Variants in TGFBR2 observed in about 807,000 individuals in gnomAD.
TGFBR2 encodes the protein transforming growth factor beta receptor 2.
A neutral mutation model predicts 49.0 loss-of-function variants in TGFBR2; 18 were observed. The observed-to-expected ratio is 0.37, with a 90% confidence interval of 0.25 to 0.54. The LOEUF (loss-of-function observed/expected upper bound fraction) is 0.54. TGFBR2 is among the 20% of genes least tolerant of loss of function. The probability of loss-of-function intolerance (pLI) is 0.85; values close to 1 mark genes in which losing one functional copy is unlikely to be tolerated. For missense variants in TGFBR2, 525 were observed against 722.6 expected (o/e 0.73, Z 3.13); for synonymous variants, 282 against 275.9 (o/e 1.02, Z -0.22).
At chr3:30,654,058 C>G (rs912139390) in intron 3 of TGFBR2, among the ~76,000 whole-genome samples, 1 of 152,140 alleles carries the variant, frequency 6.6e-6, no homozygotes, top group South Asian at 2.1e-4. Context: ...TTAATTCTTT[C>G]CTTTTTTCCT....
chr3:30,674,699 G>A (rs555463384), intron 5 of TGFBR2, among the ~76,000 whole-genome samples: 8 of 150,588 alleles, frequency 5.3e-5, no homozygotes, highest in African/African-American at 2.0e-4. Context: ...TGTTTTATTG[G>A]GCAAAAAAAA....
At chr3:30,641,113 A>G (rs907810676) in intron 1 of TGFBR2, among the ~76,000 whole-genome samples, 2 of 152,084 alleles carry the variant, frequency 1.3e-5, no homozygotes, top group African/African-American at 4.8e-5. Flanking sequence ...GCATGTTATT[A>G]GTGACTCTTG....
intron 2 of TGFBR2, among the ~76,000 whole-genome samples, chr3:30,649,753 T>C (rs1698845034): frequency 6.6e-6 from 1 of 152,128 alleles, no homozygotes; most frequent in African/African-American, 2.4e-5. Context: ...CGCAATGCTC[T>C]GGGGCCCAGC....
chr3:30,620,722 G>C (rs185828805), intron 1 of TGFBR2, among the ~76,000 whole-genome samples: 1 of 151,982 alleles, frequency 6.6e-6, no homozygotes, highest in African/African-American at 2.4e-5. Flanking sequence ...ACCATCTCAC[G>C]CAGGACAATT....
chr3:30,671,959 A>G lies in TGFBR2; in HGVS notation c.776A>G (p.Tyr259Cys), dbSNP rs767919854. The change falls in exon 4 of 7, where the codon TAT (tyrosine) becomes TGT (cysteine). Residue 259 changes from tyrosine to cysteine, a missense_variant. This residue lies in a region of TGFBR2 where 376 missense variants were observed against 478.2 expected (regional missense o/e 0.79). Transcript: ENST00000295754. The stretch of plus-strand genomic sequence containing the variant: ...GGGAAAGGTCGCTTTGCTGAGGTCT[A>G]TAAGGCCAAGCTGAAGCAGAACACT... ...LVGKGRFAEVYKAKLKQNTSE... is the reference protein window; with the variant it reads ...LVGKGRFAEVCKAKLKQNTSE... The G allele has an allele frequency of 8.7e-6, 14 of 1,614,164 alleles. No homozygotes were observed. Among genetic ancestry groups the G allele is most frequent in the East Asian group, 4.5e-5 (2 of 44,890 alleles).
intron 5 of TGFBR2, among the ~76,000 whole-genome samples, chr3:30,675,487 A>G (rs1047550310): frequency 2.0e-5 from 3 of 151,898 alleles, no homozygotes; most frequent in African/African-American, 2.4e-5. Context: ...CCCGGGTTCA[A>G]GCAATTCTCC....
At chr3:30,617,290 T>G (rs542648163) in intron 1 of TGFBR2, among the ~76,000 whole-genome samples, 1 of 152,210 alleles carries the variant, frequency 6.6e-6, no homozygotes, top group Non-Finnish European at 1.5e-5. Context: ...TAGCGTAGAC[T>G]AGGAATCTTT....
intron 3 of TGFBR2, among the ~76,000 whole-genome samples, chr3:30,651,589 C>T (rs1047338371): frequency 2.0e-5 from 3 of 152,228 alleles, no homozygotes; most frequent in East Asian, 1.9e-4. Context: ...TTATCTCCCA[C>T]GATGGATCTT....
At chr3:30,610,947 G>T (rs1354685894) in intron 1 of TGFBR2, among the ~76,000 whole-genome samples, 6 of 152,140 alleles carry the variant, frequency 3.9e-5, no homozygotes, top group African/African-American at 1.4e-4. Context: ...AGGATGTCTG[G>T]AACTCCTGCT....
At position 30,691,273 on chromosome 3, in the gene TGFBR2, C is replaced by T. The variant is rs1266861793; in HGVS notation, c.1525-147C>T. ...CCACATGGAACTGGCTGGCCTGCAG[C>T]AGCAGGCACTCAGTCAGCACATGTT... On this transcript the variant is annotated intron_variant, in intron 6 of 6. Transcript: ENST00000295754. 11 of 849,508 alleles carry T rather than the reference C, an allele frequency of 1.3e-5. No individual in the cohort carries two copies. In the Admixed American group the frequency reaches 1.7e-4, roughly 13 times the overall value. The allele number at this position is 849,508 out of a possible 1,614,324, so 52.6% of individuals were successfully genotyped here. A position where few individuals can be genotyped will look rare whatever the true frequency, so the allele number is the denominator to read the frequency against.
chr3:30,655,876 C>T (rs928125679), intron 3 of TGFBR2, among the ~76,000 whole-genome samples: 2 of 152,210 alleles, frequency 1.3e-5, no homozygotes, highest in African/African-American at 4.8e-5. Context: ...CTCTTCTGAA[C>T]GGTATAAACC....
At chr3:30,620,409 C>T (rs1307657874) in intron 1 of TGFBR2, among the ~76,000 whole-genome samples, 1 of 151,900 alleles carries the variant, frequency 6.6e-6, no homozygotes, top group Admixed American at 6.6e-5. Flanking sequence ...GGCTTTTCAC[C>T]ACCAAGTGTA....
chr3:30,679,720 G>C (rs888851991), intron 5 of TGFBR2, among the ~76,000 whole-genome samples: 7 of 152,234 alleles, frequency 4.6e-5, no homozygotes, highest in African/African-American at 1.7e-4. Context: ...GGCTCAGGAA[G>C]TGCGAAAGTT....
rs1192366381 is a variant in TGFBR2 at position 30,644,815 on chromosome 3, G to A, written c.163G>A (p.Asp55Asn). Residue 55 changes from aspartate to asparagine, a missense_variant, in exon 2 of 7, where the codon GAT becomes AAT. This residue lies in a region of TGFBR2 where 376 missense variants were observed against 478.2 expected (regional missense o/e 0.79). Transcript: ENST00000295754. ...GTTTCCACAACTGTGTAAATTTTGTGATGTGAGATTTTCCACCTGTGACAA... is the reference window on the plus strand; with the variant it reads ...GTTTCCACAACTGTGTAAATTTTGTAATGTGAGATTTTCCACCTGTGACAA... ...VKFPQLCKFC[D>N]VRFSTCDNQK... 6.2e-7 allele frequency: 1 copy of A among 1,614,158 alleles called. No homozygotes were observed. The highest frequency in any genetic ancestry group is 8.5e-7 in the Non-Finnish European group (1 of 1,180,000).
intron 1 of TGFBR2, among the ~76,000 whole-genome samples, chr3:30,628,130 A>G (rs1431624816): frequency 1.6e-4 from 7 of 43,582 alleles, no homozygotes; most frequent in Non-Finnish European, 2.8e-4. Flanking sequence ...TTTTTTTTTA[A>G]TCATCTGTGT....
chr3:30,619,680 C>T (rs150005353), intron 1 of TGFBR2, among the ~76,000 whole-genome samples: 13 of 152,256 alleles, frequency 8.5e-5, no homozygotes, highest in Non-Finnish European at 1.9e-4. Flanking sequence ...TCCACCACCT[C>T]CCCCCAAGTT....
At chr3:30,657,679 G>A (rs1346256486) in intron 3 of TGFBR2, among the ~76,000 whole-genome samples, 4 of 152,192 alleles carry the variant, frequency 2.6e-5, no homozygotes, top group Non-Finnish European at 4.4e-5. Flanking sequence ...TGTTCCACTA[G>A]ATTCAAATTT....
chr3:30,621,375 G>A lies in TGFBR2; in HGVS notation c.94+14398G>A, dbSNP rs1303750051. Among the ~76,000 whole-genome samples, 3 of 144,992 alleles carry A rather than the reference G, an allele frequency of 2.1e-5. No homozygotes were observed. In the Admixed American group the frequency reaches 2.2e-4, roughly 11 times the overall value. On this transcript the variant is annotated intron_variant, in intron 1 of 6. Coordinates refer to ENST00000295754, the MANE Select transcript of TGFBR2 (RefSeq NM_003242.6). ...AGCTCACTGCAACCTCTGCCTCCTG[G>A]GTTCAAGTTATTCTCCTGCCTCAGC... is the stretch of plus-strand genomic sequence containing the variant.
At chr3:30,637,020 C>T (rs1316575849) in intron 1 of TGFBR2, among the ~76,000 whole-genome samples, 8 of 149,406 alleles carry the variant, frequency 5.4e-5, no homozygotes, top group African/African-American at 7.4e-5. Flanking sequence ...GCCGAGATCG[C>T]GCCACTGCAC....
Sources: gnomAD v4.1 joint callset for allele counts (sites outside exome capture counted in the v4.1 genomes callset) on GRCh38, gnomAD v4.1.1 for gene constraint, gnomAD v4.1.1 regional missense constraint, MANE v1.5 for transcripts, NCBI Gene and HGNC (gene_info 2026-07-23, HGNC 2026-07-21) for gene names.